The following CD40 variants were observed in gnomAD, a reference collection of about 807,000 sequenced individuals.
CD40 encodes tumor necrosis factor receptor superfamily member 5.
A neutral mutation model predicts 38.5 loss-of-function variants in CD40; 19 were observed. The ratio of observed to expected loss-of-function variants is 0.49; its 90% CI spans 0.34 to 0.72. CD40 has a LOEUF of 0.72. CD40 is among the 30% of genes least tolerant of loss of function. The pLI is 0.01. For synonymous variants in CD40, 130 were observed against 128.7 expected (o/e 1.01, Z -0.07); for missense variants, 256 against 344.1 (o/e 0.74, Z 2.03).
chr20:46,123,191 G>A lies in CD40; in HGVS notation c.469G>A (p.Ala157Thr), dbSNP rs777145547. The change falls in exon 5 of 9, where the codon GCT becomes ACT. Residue 157 changes from alanine to threonine, a missense_variant. Transcript: ENST00000372285. ...PVGFFSNVSS[A>T]FEKCHPWTSC... Reference sequence around the variant, plus strand: ...CGGCTTCTTCTCCAATGTGTCATCTGCTTTCGAAAAATGTCACCCTTGGAC... The same window carrying A: ...CGGCTTCTTCTCCAATGTGTCATCTACTTTCGAAAAATGTCACCCTTGGAC... 3 of 1,614,146 alleles carry A rather than the reference G, an allele frequency of 1.9e-6. No homozygotes were observed. The highest frequency in any genetic ancestry group is 1.7e-6 in the Non-Finnish European group (2 of 1,179,998).
At chr20:46,120,549 T>A (rs2085297493) in intron 1 of CD40, among the ~76,000 whole-genome samples, 1 of 152,238 alleles carries the variant, frequency 6.6e-6, no homozygotes, top group Non-Finnish European at 1.5e-5. Context: ...AGAGGAAGTC[T>A]CTGGAGCTAG....
At chr20:46,124,069 G>C (rs985750692) in intron 5 of CD40, among the ~76,000 whole-genome samples, 1 of 152,140 alleles carries the variant, frequency 6.6e-6, no homozygotes, top group African/African-American at 2.4e-5. Context: ...ATGCCAAGGC[G>C]GGTGGATCAC....
In CD40 at chr20:46,124,756, T is replaced by TTTTG. The variant is rs2085392588; in HGVS notation, c.497+1540_497+1541insGTTT. Reference sequence around the variant, plus strand: ...CTGGAGGCACCACTGGTATAGTTTTTTTTTTTTTTTTTTTTTTTTTTTTTT... The same window carrying TTTTG: ...CTGGAGGCACCACTGGTATAGTTTTTTTTGTTTTTTTTTTTTTTTTTTTTTTTTT... On this transcript the variant is annotated intron_variant, in intron 5 of 8. Transcript: ENST00000372285. 1.2e-3 allele frequency among the ~76,000 whole-genome samples: 78 copies of TTTTG among 66,582 alleles called. 2 individuals carry two copies. Among genetic ancestry groups the TTTTG allele is most frequent in the Admixed American group, 6.0e-3 (46 of 7,728 alleles). The allele number at this position is 66,582 out of a possible 152,430, so 43.7% of individuals were successfully genotyped here. A position where few individuals can be genotyped will look rare whatever the true frequency, so the allele number is the denominator to read the frequency against.
At chr20:46,119,774 T>C (rs1460909638) in intron 1 of CD40, among the ~76,000 whole-genome samples, 1 of 152,154 alleles carries the variant, frequency 6.6e-6, no homozygotes, top group African/African-American at 2.4e-5. Flanking sequence ...CATAGCTAGC[T>C]AATGGAAGAA....
chr20:46,128,709 C>T (rs747215984), intron 8 of CD40, 173 bp from the exon 9 acceptor site: 30 of 703,240 alleles, frequency 4.3e-5, no homozygotes, highest in Admixed American at 2.4e-4. Flanking sequence ...GGAAGCTCTT[C>T]GTCGCCCTTG....
chr20:46,122,497 G>A lies in CD40; in HGVS notation c.257-113G>A. On this transcript the variant is annotated intron_variant, in intron 3 of 8. Transcript: ENST00000372285. The surrounding 1 kb of genome is among the most constrained non-coding windows in gnomAD (Gnocchi z 5.0). ...GTACTGATCATTAAATGATTTGATT[G>A]CCATCTCTACTTGGAAGAGGGTCTG... The A allele has an allele frequency of 6.4e-7, 1 of 1,568,668 alleles. No individual in the cohort carries two copies. The highest frequency in any genetic ancestry group is 8.8e-7 in the Non-Finnish European group (1 of 1,140,778).
At chr20:46,119,829 C>CA (rs1307465861) in intron 1 of CD40, among the ~76,000 whole-genome samples, 2 of 152,202 alleles carry the variant, frequency 1.3e-5, no homozygotes, top group Non-Finnish European at 2.9e-5. Flanking sequence ...GCCTGCCTCT[C>CA]AGATAGTGAG....
chr20:46,129,097 C>T lies in CD40; in HGVS notation c.*57C>T, dbSNP rs1218688686. ...GGCAAACAGGCAGTTGGCCAGAGAG[C>T]CTGGTGCTGCTGCTGCTGTGGCGTG... On this transcript the variant is annotated 3_prime_UTR_variant, in exon 9 of 9. Transcript: ENST00000372285. The T allele has an allele frequency of 6.3e-7, 1 of 1,585,790 alleles. No individual in the cohort carries two copies. Among genetic ancestry groups the T allele is most frequent in the East Asian group, 2.2e-5 (1 of 44,738 alleles).
chr20:46,119,317 C>G (rs1189658111), intron 1 of CD40, among the ~76,000 whole-genome samples: 1 of 152,208 alleles, frequency 6.6e-6, no homozygotes, highest in South Asian at 2.1e-4. Context: ...CTGCCTGAAG[C>G]CTGGGCAGGA....
rs772447675 is a variant in CD40, at chr20:46,129,160, G to A, written c.*120G>A. The A allele has an allele frequency of 2.8e-6, 3 of 1,082,980 alleles. No individual in the cohort carries two copies. The highest frequency in any genetic ancestry group is 1.5e-5 in the African/African-American group (1 of 64,746). 67.1% of individuals were successfully genotyped at this position (1,082,980 alleles called of 1,614,324 possible). A position where few individuals can be genotyped will look rare whatever the true frequency, so the allele number is the denominator to read the frequency against. On this transcript the variant is annotated 3_prime_UTR_variant, in exon 9 of 9. Coordinates refer to ENST00000372285, the MANE Select transcript of CD40 (RefSeq NM_001250.6). ...TGGCACTGACTGGGCATAGCTCCCC[G>A]CTTCTGCCTGCACCCCTGCAGTTTG...
In CD40 at chr20:46,129,221, C is replaced by T; in HGVS notation, c.*181C>T. ...CCTGGCACTGGATGCAGAAACAGTT[C>T]ACCTTGAAGAACCTCTCACTTCACC... On this transcript the variant is annotated 3_prime_UTR_variant, in exon 9 of 9. Coordinates refer to ENST00000372285, the MANE Select transcript of CD40 (RefSeq NM_001250.6). 1 of 676,176 alleles carries T rather than the reference C, an allele frequency of 1.5e-6. No individual in the cohort carries two copies. Among genetic ancestry groups the T allele is most frequent in the Non-Finnish European group, 2.6e-6 (1 of 378,406 alleles). 41.9% of individuals were successfully genotyped at this position (676,176 alleles called of 1,614,324 possible). A position where few individuals can be genotyped will look rare whatever the true frequency, so the allele number is the denominator to read the frequency against.
At position 46,129,416 on chromosome 20, in the gene CD40, A is replaced by G; in HGVS notation, c.*376A>G. The G allele has an allele frequency of 3.3e-6, 1 of 301,790 alleles. No individual in the cohort carries two copies. The allele number at this position is 301,790 out of a possible 1,614,324, so 18.7% of individuals were successfully genotyped here. A position where few individuals can be genotyped will look rare whatever the true frequency, so the allele number is the denominator to read the frequency against. ...TGCGCCCAGGAAGCCATATACACAG[A>G]TGCCCATTGCAGCATTGTTTGTGAT... On this transcript the variant is annotated 3_prime_UTR_variant, in exon 9 of 9. Transcript: ENST00000372285.
intron 5 of CD40, among the ~76,000 whole-genome samples, chr20:46,124,689 T>C (rs983076069): frequency 6.7e-6 from 1 of 150,012 alleles, no homozygotes; most frequent in African/African-American, 2.5e-5. Context: ...ACCTGACGCA[T>C]GGTAGGTGCT....
rs754823732 is a variant in CD40 at position 46,129,090 on chromosome 20, C to A, written c.*50C>A. ...CCACGTGGGCAAACAGGCAGTTGGC[C>A]AGAGAGCCTGGTGCTGCTGCTGCTG... On this transcript the variant is annotated 3_prime_UTR_variant, in exon 9 of 9. Transcript: ENST00000372285. 6.2e-7 allele frequency: 1 copy of A among 1,602,134 alleles called. No individual in the cohort carries two copies. The highest frequency in any genetic ancestry group is 1.7e-5 in the Admixed American group (1 of 60,014).
Position 46,125,546 on chromosome 20 carries a change from CAAAA to C in CD40, c.498-1072_498-1069del, listed in dbSNP as rs60475326. Among the ~76,000 whole-genome samples the C allele has an allele frequency of 0.013, 881 of 69,436 alleles. 11 individuals are homozygous for C. In the East Asian group the frequency reaches 0.13, roughly 11 times the overall value. The allele number at this position is 69,436 out of a possible 152,430, so 45.6% of individuals were successfully genotyped here. ...CTGGCGAAAGAGCAAGACTCTGTCT[CAAAA>C]AAAAAAAAAAAAAAAAAAAAAGACT... is the stretch of plus-strand genomic sequence containing the variant. On this transcript the variant is annotated intron_variant, in intron 5 of 8. Transcript: ENST00000372285.
chr20:46,118,504 G>C (rs1269114915), intron 1 of CD40, 110 bp downstream of exon 1: 7 of 626,454 alleles, frequency 1.1e-5, no homozygotes, highest in Non-Finnish European at 2.1e-5. Flanking sequence ...GTGGGGGCAG[G>C]AGGGTGGGTG....
At chr20:46,119,585 G>T (rs559974158) in intron 1 of CD40, among the ~76,000 whole-genome samples, 1 of 152,136 alleles carries the variant, frequency 6.6e-6, no homozygotes, top group Non-Finnish European at 1.5e-5. Flanking sequence ...TCCCAACTTT[G>T]GCTCCAGGTA....
At chr20:46,123,398 C>T (rs148338520) in intron 5 of CD40, among the ~76,000 whole-genome samples, 179 bp downstream of exon 5, 57 of 152,300 alleles carry the variant, frequency 3.7e-4, no homozygotes, top group African/African-American at 1.3e-3. Context: ...ATTTTTTTTG[C>T]CTGCTGTCTC....
chr20:46,118,437 G>T (rs200178259), intron 1 of CD40, 43 bp downstream of exon 1: 318 of 1,420,980 alleles, frequency 2.2e-4, no homozygotes, highest in Non-Finnish European at 2.9e-4. Flanking sequence ...TGGGAGTGGG[G>T]AATGAGAAGG....
Sources: gnomAD v4.1 joint callset for allele counts (sites outside exome capture counted in the v4.1 genomes callset) on GRCh38, gnomAD v4.1.1 for gene constraint, Gnocchi (gnomAD v3.1) non-coding constraint, MANE v1.5 for transcripts, NCBI Gene and HGNC (gene_info 2026-07-23, HGNC 2026-07-21) for gene names.